The following PROSER1 variants were observed in gnomAD, a reference collection of about 807,000 sequenced individuals.
PROSER1 encodes the protein proline and serine rich 1, also known as proline and serine-rich protein 1.
PROSER1 carries 36 observed loss-of-function variants against 71.8 expected under a neutral mutation model. That is an observed-to-expected ratio of 0.50 (90% CI 0.38 to 0.66). The LOEUF (loss-of-function observed/expected upper bound fraction) is 0.66, where lower values mean the gene tolerates loss of function less well. Ranked by LOEUF, PROSER1 falls within the 30% of genes least tolerant of loss-of-function variation. The probability of loss-of-function intolerance (pLI) is 0.00; values close to 1 mark genes in which losing one functional copy is unlikely to be tolerated. For synonymous variants in PROSER1, 490 were observed against 452.4 expected (o/e 1.08, Z -1.06); for missense variants, 1,107 against 1,135.0 (o/e 0.98, Z 0.35).
chr13:39,021,115 G>A (rs182579246), intron 9 of PROSER1, among the ~76,000 whole-genome samples: 2 of 152,278 alleles, frequency 1.3e-5, no homozygotes, highest in East Asian at 3.9e-4. Context: ...CCAACTGGCC[G>A]TGGAACTTAG....
At chr13:39,025,563 G>A (rs1424594832) in intron 6 of PROSER1, among the ~76,000 whole-genome samples, 1 of 152,140 alleles carries the variant, frequency 6.6e-6, no homozygotes, top group African/African-American at 2.4e-5. Flanking sequence ...TTACAAAAAA[G>A]TCTTTGTGGT....
In PROSER1 at chr13:39,023,061, T is replaced by C. The variant is rs1182373035; in HGVS notation, c.634A>G (p.Ile212Val). ...PIPPCRPHAT[I>V]APSAYNNAGL... ...TAAGGGAACTCCTTACTTGGTGCAA[T>C]AGTTGCATGTGGTCGGCATGGAGGT... Residue 212 changes from isoleucine to valine, a missense_variant, in exon 8 of 13, where the codon ATT becomes GTT. Transcript: ENST00000352251. 1.9e-6 allele frequency: 3 copies of C among 1,611,240 alleles called. No individual in the cohort carries two copies. The highest frequency in any genetic ancestry group is 2.2e-5 in the South Asian group (2 of 90,954).
chr13:39,028,319 T>C lies in PROSER1; in HGVS notation c.277A>G (p.Asn93Asp), dbSNP rs190354440. The C allele has an allele frequency of 2.6e-6, 4 of 1,567,184 alleles. No homozygotes were observed. The Admixed American group carries it at 6.7e-5, about 26-fold the overall frequency. ...KLVALELLAS[N>D]IIDAQNSRPI... ...CGAGAATTCTGTGCATCAATAATGT[T>C]CCTACCAAGAAAACACAATTTAGCT... The change falls in exon 5 of 13, where the codon AAC becomes GAC. Residue 93 changes from asparagine (N) to aspartate (D), a missense_variant and splice_region_variant. By Grantham distance (23) the Asn-to-Asp change is conservative (BLOSUM62 1). Transcript: ENST00000352251.
At chr13:39,015,887 TA>T (rs1393708839) in intron 10 of PROSER1, among the ~76,000 whole-genome samples, 1 of 152,200 alleles carries the variant, frequency 6.6e-6, no homozygotes, top group Non-Finnish European at 1.5e-5. Flanking sequence ...TTATAAGAAC[TA>T]AAAGGATAAG....
chr13:39,013,954 G>C lies in PROSER1; in HGVS notation c.1298C>G (p.Pro433Arg). 2.5e-6 allele frequency: 4 copies of C among 1,614,168 alleles called. No homozygotes were observed. Among genetic ancestry groups the C allele is most frequent in the Non-Finnish European group, 3.4e-6 (4 of 1,180,020 alleles). The change falls in exon 11 of 13, where the codon CCT becomes CGT. Residue 433 changes from proline (P) to arginine (R), a missense_variant. Pro to Arg is a moderately radical substitution (Grantham distance 103, BLOSUM62 -2). Transcript: ENST00000352251. Reference sequence around the variant, plus strand: ...TTGGGATGTTGGTGGTAAGGGCAAAGGGAGCCCTGCAAAAACTGATGACAA... The same window carrying C: ...TTGGGATGTTGGTGGTAAGGGCAAACGGAGCCCTGCAAAAACTGATGACAA... ...ASLSSVFAGL[P>R]LPLPPTSQGL...
intron 2 of PROSER1, 74 bp downstream of exon 2, chr13:39,034,057 C>A: frequency 9.5e-7 from 1 of 1,053,492 alleles, no homozygotes. Flanking sequence ...ATTCTGAATT[C>A]GGCCAGCAGA....
intron 4 of PROSER1, 84 bp downstream of exon 4, chr13:39,029,197 T>A: frequency 4.1e-6 from 3 of 733,704 alleles, no homozygotes. Context: ...GTTAGACACA[T>A]TAACACACAC....
intron 9 of PROSER1, among the ~76,000 whole-genome samples, chr13:39,019,276 C>T (rs1445425446): frequency 6.7e-6 from 1 of 149,460 alleles, no homozygotes; most frequent in Non-Finnish European, 1.5e-5. Flanking sequence ...CCGAGGTAGG[C>T]AGATCGCCTG....
Position 39,037,382 on chromosome 13 carries a change from G to T in PROSER1, c.-140C>A. The T allele has an allele frequency of 1.5e-6, 1 of 670,884 alleles. No individual in the cohort carries two copies. The allele number at this position is 670,884 out of a possible 1,614,324, so 41.6% of individuals were successfully genotyped here. ...CCACGAGCAAGAGAGGATGCGAAGA[G>T]GTAGAGAGTATTGCAAACTTCGCAA... On this transcript the variant is annotated 5_prime_UTR_variant, in exon 1 of 13. Coordinates refer to ENST00000352251, the MANE Select transcript of PROSER1 (RefSeq NM_025138.5).
rs368546956 is a variant in PROSER1, at chr13:39,012,831, C to T, written c.2421G>A (p.Pro807=). 2.5e-5 allele frequency: 41 copies of T among 1,613,864 alleles called. No homozygotes were observed. Among genetic ancestry groups the T allele is most frequent in the Admixed American group, 1.3e-4 (8 of 59,982 alleles). Residue 807 remains proline (P), a synonymous_variant, in exon 11 of 13, where the codon CCG becomes CCA. Transcript: ENST00000352251. ...PSVTPALPSF[P]GLQAPSTVAA... ...CGACTGTAGAGGGCGCCTGCAGCCCCGGGAATGAGGGAAGAGCAGGGGTAA... is the reference window on the plus strand; with the variant it reads ...CGACTGTAGAGGGCGCCTGCAGCCCTGGGAATGAGGGAAGAGCAGGGGTAA...
chr13:39,013,892 A>G lies in PROSER1; in HGVS notation c.1360T>C (p.Ser454Pro), dbSNP rs753668498. 1 of 1,614,204 alleles carries G rather than the reference A, an allele frequency of 6.2e-7. No individual in the cohort carries two copies. Among genetic ancestry groups the G allele is most frequent in the South Asian group, 1.1e-5 (1 of 91,084 alleles). ...SNPTPVIAGGSTPSVAGPLGV... is the reference protein window; with the variant it reads ...SNPTPVIAGGPTPSVAGPLGV... Reference sequence around the variant, plus strand: ...AGTGGACCGGCAACGCTGGGAGTAGAGCCACCAGCAATTACAGGAGTCGGG... The same window carrying G: ...AGTGGACCGGCAACGCTGGGAGTAGGGCCACCAGCAATTACAGGAGTCGGG... Residue 454 changes from serine to proline, a missense_variant, in exon 11 of 13, where the codon TCT becomes CCT. Transcript: ENST00000352251.
At chr13:39,026,694 T>C (rs1234781116) in intron 5 of PROSER1, among the ~76,000 whole-genome samples, 1 of 152,162 alleles carries the variant, frequency 6.6e-6, no homozygotes, top group East Asian at 1.9e-4. Context: ...TTTCTTCAAC[T>C]AGCAAGAAAT....
intron 8 of PROSER1, 182 bp downstream of exon 8, chr13:39,022,870 T>C (rs1593534063): frequency 2.0e-6 from 1 of 488,222 alleles, no homozygotes; most frequent in East Asian, 3.0e-5. Context: ...ATATCCTAAA[T>C]AAACTATCTG....
At chr13:39,018,241 T>G (rs945181796) in intron 9 of PROSER1, among the ~76,000 whole-genome samples, 2 of 152,180 alleles carry the variant, frequency 1.3e-5, no homozygotes. Flanking sequence ...AAACAGCCCA[T>G]CAGCCAAGGA....
At chr13:39,020,790 A>G (rs1870253931) in intron 9 of PROSER1, among the ~76,000 whole-genome samples, 2 of 152,180 alleles carry the variant, frequency 1.3e-5, no homozygotes, top group Non-Finnish European at 2.9e-5. Context: ...GTTTGACAAC[A>G]TATGGGAAAC....
rs1227502112 is a variant in PROSER1, at chr13:39,014,047, G to A, written c.1205C>T (p.Pro402Leu). 6 of 1,614,070 alleles carry A rather than the reference G, an allele frequency of 3.7e-6. No homozygotes were observed. Among genetic ancestry groups the A allele is most frequent in the Non-Finnish European group, 5.1e-6 (6 of 1,180,026 alleles). Residue 402 changes from proline (P) to leucine (L), a missense_variant, in exon 11 of 13, where the codon CCT (proline) becomes CTT (leucine). By Grantham distance (98) the Pro-to-Leu change is moderately conservative. Transcript: ENST00000352251. ...GGTGGAAAAGGGGAGGCTAGTGAAA[G>A]GTGCAGAAGTAGAAGCAAATGCTTC... is the stretch of plus-strand genomic sequence containing the variant. The part of the protein sequence containing the change: ...SSEAFASTSA[P>L]FTSLPFSTSS...
At chr13:39,037,143 G>C (rs1042624787) in intron 1 of PROSER1, 55 bp downstream of exon 1, 2 of 1,316,308 alleles carry the variant, frequency 1.5e-6, no homozygotes, top group African/African-American at 2.9e-5. Context: ...CTCAAAGAGA[G>C]TCTAAAACAC....
intron 9 of PROSER1, among the ~76,000 whole-genome samples, chr13:39,019,172 A>G (rs1205962780): frequency 4.2e-4 from 64 of 152,014 alleles, no homozygotes. Flanking sequence ...CAGAAGCAAA[A>G]ATGTCTAGTA....
intron 8 of PROSER1, chr13:39,022,695 G>A: frequency 2.5e-6 from 1 of 394,930 alleles, no homozygotes; most frequent in Non-Finnish European, 4.5e-6. Context: ...TACATTATTT[G>A]TCTTTTCTGC....
Sources: allele counts gnomAD v4.1 joint callset (sites outside exome capture counted in the v4.1 genomes callset), GRCh38; gene constraint gnomAD v4.1.1; transcripts MANE v1.5; gene names NCBI Gene and HGNC (gene_info 2026-07-23, HGNC 2026-07-21).